DOCK6: variants seen among roughly 807,000 people sequenced by gnomAD.
The protein encoded by DOCK6 is dedicator of cytokinesis protein 6.
In DOCK6, 167 loss-of-function variants were observed where a neutral mutation model predicts 230.3. The observed-to-expected ratio is 0.73, with a 90% confidence interval of 0.64 to 0.82. DOCK6 has a LOEUF of 0.82. DOCK6 is among the 40% of genes least tolerant of loss of function. The pLI is 0.00. For missense variants in DOCK6, 2,598 were observed against 2,825.8 expected (o/e 0.92, Z 1.83); for synonymous variants, 1,148 against 1,185.0 (o/e 0.97, Z 0.64).
chr19:11,241,736 C>T (rs575727474), intron 14 of DOCK6: 1 of 1,561,210 alleles, frequency 6.4e-7, no homozygotes, highest in Non-Finnish European at 8.7e-7. Flanking sequence ...GGAACACTTC[C>T]ACGCCCCGTG....
intron 6 of DOCK6, among the ~76,000 whole-genome samples, chr19:11,248,515 A>C (rs1289447183): frequency 6.6e-6 from 1 of 151,542 alleles, no homozygotes; most frequent in Non-Finnish European, 1.5e-5. Flanking sequence ...GGTTCAAGTG[A>C]TTCTCCTGCC....
intron 22 of DOCK6, 173 bp from the exon 23 acceptor site, chr19:11,229,208 C>A: frequency 8.0e-7 from 1 of 1,256,212 alleles, no homozygotes; most frequent in Non-Finnish European, 1.1e-6. Flanking sequence ...GCTCGCCAGA[C>A]CCCCCTGGAC....
At position 11,243,438 on chromosome 19, in the gene DOCK6, C is replaced by T. The variant is rs984090436; in HGVS notation, c.1259-53G>A. 1.3e-6 allele frequency: 2 copies of T among 1,577,104 alleles called. No homozygotes were observed. The highest frequency in any genetic ancestry group is 1.3e-5 in the African/African-American group (1 of 74,218). On this transcript the variant is annotated intron_variant, in intron 11 of 47. Transcript: ENST00000294618. This position sits in a 1 kb window ranked among gnomAD's most constrained non-coding sequence, Gnocchi z 6.3. ...GGGGGACCAAGATGAAACAGGGAGA[C>T]TCAGGGGCGGCACAGTTCGGCCAGC...
At position 11,239,505 on chromosome 19, in the gene DOCK6, C is replaced by T. The variant is rs367883984; in HGVS notation, c.1644-1201G>A. 409 of 1,111,344 alleles carry T rather than the reference C, an allele frequency of 3.7e-4. 4 individuals carry two copies. In the African/African-American group the frequency reaches 3.7e-3, roughly 10 times the overall value. The allele number at this position is 1,111,344 out of a possible 1,614,324, so 68.8% of individuals were successfully genotyped here. ...CCGGACATTCGCCTGATGCAACTAT[C>T]GCACCACTGCCAGGCCCTTGTGCAA... On this transcript the variant is annotated intron_variant, in intron 14 of 47. Coordinates refer to ENST00000294618, the MANE Select transcript of DOCK6 (RefSeq NM_020812.4).
At position 11,235,761 on chromosome 19, in the gene DOCK6, T is replaced by G. The variant is rs764883428; in HGVS notation, c.2393-2A>C. 6.3e-7 allele frequency: 1 copy of G among 1,585,990 alleles called. No homozygotes were observed. Reference sequence around the variant, plus strand: ...CAAAGGCTCCACGGCCCAGGTTCACTGCAGGGCAGAGCAGAGGTCAAGTTC... The same window carrying G: ...CAAAGGCTCCACGGCCCAGGTTCACGGCAGGGCAGAGCAGAGGTCAAGTTC... On this transcript the variant is annotated splice_acceptor_variant, in intron 20 of 47. Transcript: ENST00000294618. LOFTEE classifies it high-confidence loss of function.
chr19:11,216,013 T>C (rs1254608127), intron 30 of DOCK6, 86 bp from the exon 31 acceptor site: 2 of 1,553,230 alleles, frequency 1.3e-6, no homozygotes, highest in Non-Finnish European at 1.8e-6. Flanking sequence ...CTTTGTGCTC[T>C]TTCTCACCTC....
intron 20 of DOCK6, 35 bp from the exon 21 acceptor site, chr19:11,235,794 C>G (rs778074667): frequency 7.7e-6 from 12 of 1,552,556 alleles, no homozygotes; most frequent in Middle Eastern, 1.7e-4. Flanking sequence ...TTCCAGGGCC[C>G]AAGGCCTCTC....
rs768936581 is a variant in DOCK6 at position 11,252,131 on chromosome 19, G to A, written c.495C>T (p.Gly165=). 7 of 1,589,630 alleles carry A rather than the reference G, an allele frequency of 4.4e-6. No individual in the cohort carries two copies. In the Admixed American group the frequency reaches 5.3e-5, roughly 12 times the overall value. ...EQDASGDERS[G]PEDSNDSRRG... is the part of the protein sequence containing the mutation. ...GGGGCTTCCTCACCGAGTCCTCAGG[G>A]CCGGACCTCTCGTCTCCAGAAGCAT... Residue 165 remains glycine, a synonymous_variant, in exon 5 of 48, where the codon GGC becomes GGT. Transcript: ENST00000294618.
intron 24 of DOCK6, 83 bp from the exon 25 acceptor site, chr19:11,223,189 C>A: frequency 8.0e-7 from 1 of 1,244,838 alleles, no homozygotes; most frequent in Non-Finnish European, 1.1e-6. Context: ...TCATCTGCCA[C>A]CCCTAGGAGC....
In DOCK6 at chr19:11,222,198, G is replaced by A. The variant is rs774204294; in HGVS notation, c.3291C>T (p.Phe1097=). 16 of 1,606,832 alleles carry A rather than the reference G, an allele frequency of 1.0e-5. No homozygotes were observed. The highest frequency in any genetic ancestry group is 4.0e-5 in the African/African-American group (3 of 74,916). The change falls in exon 27 of 48, where the codon TTC becomes TTT. Residue 1097 remains phenylalanine, a synonymous_variant. Transcript: ENST00000294618. The surrounding 1 kb of genome is among the most constrained non-coding windows in gnomAD (Gnocchi z 4.0). ...GCTGCCGGAATGGTCCACTCAGTTC[G>A]AACATGCTGGTCACCTTGGGGTCCG... The part of the protein sequence containing the change: ...QAPDPKVTSM[F]ELSGPFRQQH...
chr19:11,215,825 G>A lies in DOCK6; in HGVS notation c.3997C>T (p.Gln1333Ter), dbSNP rs2079476596. ...CCACGACTTCGCCGAACCATTTCTTGTCGAGCTCCGATGGTACCCAGAATG... is the reference window on the plus strand; with the variant it reads ...CCACGACTTCGCCGAACCATTTCTTATCGAGCTCCGATGGTACCCAGAATG... Reference protein sequence around the residue: ...EAILGTIGARQEMVRRSRERS... With the variant: ...EAILGTIGAR Residue 1333 changes from glutamine (Q) to a stop codon, truncating the protein, a stop_gained, in exon 31 of 48, where the codon CAA becomes TAA. Transcript: ENST00000294618. LOFTEE classifies it high-confidence loss of function. The A allele has an allele frequency of 6.2e-7, 1 of 1,613,986 alleles. No individual in the cohort carries two copies. The highest frequency in any genetic ancestry group is 8.5e-7 in the Non-Finnish European group (1 of 1,179,886).
chr19:11,218,488 C>G (rs1321407873), intron 28 of DOCK6, among the ~76,000 whole-genome samples: 1 of 152,106 alleles, frequency 6.6e-6, no homozygotes, highest in Non-Finnish European at 1.5e-5. Context: ...CACTCTGTCA[C>G]CCAGGCTGGA....
intron 9 of DOCK6, among the ~76,000 whole-genome samples, chr19:11,244,649 C>T (rs970248631): frequency 1.3e-5 from 2 of 151,578 alleles, no homozygotes; most frequent in African/African-American, 2.4e-5. Context: ...TTAGTAGAGA[C>T]GAGGTTTCAC....
chr19:11,254,349 G>T (rs534102983), intron 1 of DOCK6, among the ~76,000 whole-genome samples: 1 of 152,214 alleles, frequency 6.6e-6, no homozygotes, highest in South Asian at 2.1e-4. Context: ...AAGCAACCAA[G>T]GTGGGCCCTG....
Position 11,201,763 on chromosome 19 carries a change from C to T in DOCK6, c.5688+126G>A, listed in dbSNP as rs2079171650. The T allele has an allele frequency of 3.4e-6, 3 of 886,728 alleles. No homozygotes were observed. The Admixed American group carries it at 6.9e-5, about 20-fold the overall frequency. The allele number at this position is 886,728 out of a possible 1,614,324, so 54.9% of individuals were successfully genotyped here. On this transcript the variant is annotated intron_variant, in intron 44 of 47. Coordinates refer to ENST00000294618, the MANE Select transcript of DOCK6 (RefSeq NM_020812.4). This position sits in a 1 kb window ranked among gnomAD's most constrained non-coding sequence, Gnocchi z 4.3. ...TCTGGTCTAGGGTCCCTGTGCCACCCCTCTCTGGGTCTGAGGTCCGTGAAC... is the reference window on the plus strand; with the variant it reads ...TCTGGTCTAGGGTCCCTGTGCCACCTCTCTCTGGGTCTGAGGTCCGTGAAC...
chr19:11,246,652 T>A (rs558929960), intron 7 of DOCK6, among the ~76,000 whole-genome samples: 1 of 152,288 alleles, frequency 6.6e-6, no homozygotes, highest in Non-Finnish European at 1.5e-5. Flanking sequence ...CCTTGTTCCG[T>A]TGGCATGGGG....
At chr19:11,238,558 CAGA>C (rs1195329149) in intron 14 of DOCK6, 3 of 488,454 alleles carry the variant, frequency 6.1e-6, no homozygotes, top group Non-Finnish European at 1.1e-5. Context: ...GGTGGGAATA[CAGA>C]AGGACATTGG....
intron 7 of DOCK6, 131 bp from the exon 8 acceptor site, chr19:11,246,009 T>G (rs548848586): frequency 2.0e-6 from 2 of 1,023,974 alleles, no homozygotes; most frequent in South Asian, 3.2e-5. Flanking sequence ...ACTTAAGGGC[T>G]TGCAGAAAAG....
intron 47 of DOCK6, 81 bp from the exon 48 acceptor site, chr19:11,199,620 C>A: frequency 1.4e-6 from 2 of 1,411,430 alleles, no homozygotes; most frequent in Non-Finnish European, 2.0e-6. Context: ...CCTCTTCCTC[C>A]TCCTCCTCGT....
Sources: allele counts gnomAD v4.1 joint callset (sites outside exome capture counted in the v4.1 genomes callset), GRCh38; gene constraint gnomAD v4.1.1; non-coding constraint Gnocchi (gnomAD v3.1); transcripts MANE v1.5; gene names NCBI Gene and HGNC (gene_info 2026-07-23, HGNC 2026-07-21).